The following CNTNAP5 variants were observed in gnomAD, a reference collection of about 807,000 sequenced individuals.
The protein encoded by CNTNAP5 is contactin associated protein family member 5, also known as contactin-associated protein-like 5.
Under a neutral mutation model 150.2 loss-of-function variants are expected in CNTNAP5, and 72 were observed. The observed-to-expected ratio is 0.48, with a 90% confidence interval of 0.40 to 0.58. The LOEUF (loss-of-function observed/expected upper bound fraction) is 0.58, where lower values mean the gene tolerates loss of function less well. CNTNAP5 is among the 20% of genes least tolerant of loss of function. The pLI is 0.00. For synonymous variants in CNTNAP5, 672 were observed against 619.8 expected (o/e 1.08, Z -1.25); for missense variants, 1,636 against 1,626.2 (o/e 1.01, Z -0.10).
Position 124,474,827 on chromosome 2 carries a change from A to G in CNTNAP5, c.1007A>G (p.Asn336Ser), listed in dbSNP as rs778937313. The stretch of plus-strand genomic sequence containing the variant: ...GGATGCATCGAAAACCTTTACTACA[A>G]TGGAGTAAACATAATTGACCTGGCT... ...FHGCIENLYYNGVNIIDLAKR... is the reference protein window; with the variant it reads ...FHGCIENLYYSGVNIIDLAKR... Residue 336 changes from asparagine (N) to serine (S), a missense_variant, in exon 7 of 24, where the codon AAT (asparagine) becomes AGT (serine). Coordinates refer to ENST00000682447, the MANE Select transcript of CNTNAP5 (RefSeq NM_001367498.1). 22 of 1,606,928 alleles carry G rather than the reference A, an allele frequency of 1.4e-5. No individual in the cohort carries two copies. Among genetic ancestry groups the G allele is most frequent in the African/African-American group, 1.3e-4 (10 of 74,458 alleles).
At chr2:124,304,015 A>T (rs1688623067) in intron 3 of CNTNAP5, among the ~76,000 whole-genome samples, 1 of 152,174 alleles carries the variant, frequency 6.6e-6, no homozygotes, top group Non-Finnish European at 1.5e-5. Flanking sequence ...TGGGCAACAG[A>T]GTGAGACCCT....
chr2:124,572,158 C>T (rs1031192229), intron 11 of CNTNAP5, among the ~76,000 whole-genome samples: 2 of 152,106 alleles, frequency 1.3e-5, no homozygotes, highest in African/African-American at 4.8e-5. Context: ...CTCCTTGAAT[C>T]CGTTAATGAA....
chr2:124,027,516 G>T (rs775266616), intron 1 of CNTNAP5, among the ~76,000 whole-genome samples: 1 of 152,182 alleles, frequency 6.6e-6, no homozygotes, highest in Non-Finnish European at 1.5e-5. Context: ...TTTCTTAAGA[G>T]CCAATAAAAC....
chr2:124,161,501 G>A (rs1389561616), intron 1 of CNTNAP5, among the ~76,000 whole-genome samples: 3 of 152,172 alleles, frequency 2.0e-5, no homozygotes, highest in Non-Finnish European at 2.9e-5. Flanking sequence ...GAGGCTATTA[G>A]CAGTCAGCAA....
At chr2:124,718,460 T>G (rs1377818) in intron 13 of CNTNAP5, among the ~76,000 whole-genome samples, 9,116 of 152,264 alleles carry the variant, frequency 0.06, 381 homozygotes, top group South Asian at 0.16. Flanking sequence ...TGTAAGTGTT[T>G]CGTGTTGTGT....
At chr2:124,551,173 G>T (rs1292047852) in intron 10 of CNTNAP5, among the ~76,000 whole-genome samples, 1 of 152,008 alleles carries the variant, frequency 6.6e-6, no homozygotes, top group Non-Finnish European at 1.5e-5. Flanking sequence ...GATCACTGAC[G>T]TGCATTGCAA....
intron 13 of CNTNAP5, among the ~76,000 whole-genome samples, chr2:124,742,766 T>C (rs1318747048): frequency 6.6e-6 from 1 of 152,068 alleles, no homozygotes. Flanking sequence ...TCAGTCGTAT[T>C]TTTTTTATAC....
chr2:124,768,271 ATGTGTGTGTGTGTGTG>A (rs10598326), intron 16 of CNTNAP5, among the ~76,000 whole-genome samples: 2 of 131,222 alleles, frequency 1.5e-5, no homozygotes, highest in African/African-American at 5.3e-5. Context: ...TACTGTATGT[ATGTGTGTGTGTGTGTG>A]TGTGTGTGTG....
chr2:124,471,262 C>G (rs1234766843), intron 6 of CNTNAP5, among the ~76,000 whole-genome samples: 1 of 152,082 alleles, frequency 6.6e-6, no homozygotes, highest in African/African-American at 2.4e-5. Flanking sequence ...GTTTGTAGTT[C>G]TCCTTGAAGA....
chr2:124,893,850 G>A (rs542893841), intron 21 of CNTNAP5, among the ~76,000 whole-genome samples: 2 of 152,078 alleles, frequency 1.3e-5, no homozygotes, highest in South Asian at 2.1e-4. Context: ...CTTTATAGAG[G>A]CCAGTATACG....
At chr2:124,882,304 G>T (rs552560991) in intron 21 of CNTNAP5, among the ~76,000 whole-genome samples, 2 of 152,036 alleles carry the variant, frequency 1.3e-5, no homozygotes, top group South Asian at 4.2e-4. Flanking sequence ...AGTCTCTGCC[G>T]GGGTGCAGCA....
Position 124,342,874 on chromosome 2 carries a change from ATAAT to A in CNTNAP5, c.382-74563_382-74560del, listed in dbSNP as rs201594134. On this transcript the variant is annotated intron_variant, in intron 3 of 23. Transcript: ENST00000682447. ...TGGTTTTTCATGAGTTCAGTCCCAA[ATAAT>A]TAATTCTTGTTCTGCTTAATGTTGG... Among the ~76,000 whole-genome samples the A allele has an allele frequency of 5.2e-3, 787 of 152,112 alleles. 12 individuals carry two copies. Among genetic ancestry groups the A allele is most frequent in the African/African-American group, 0.018 (758 of 41,366 alleles).
At chr2:124,327,471 T>TATACCCTCCTC (rs1374049361) in intron 3 of CNTNAP5, among the ~76,000 whole-genome samples, 2 of 152,046 alleles carry the variant, frequency 1.3e-5, no homozygotes, top group Non-Finnish European at 2.9e-5. Flanking sequence ...GTTTTGACAT[T>TATACCCTCCTC]ATACCCTCCT....
At chr2:124,047,641 C>T (rs888782148) in intron 1 of CNTNAP5, among the ~76,000 whole-genome samples, 2 of 152,216 alleles carry the variant, frequency 1.3e-5, no homozygotes, top group African/African-American at 2.4e-5. Flanking sequence ...ACGCCTCCTG[C>T]GATGACCTCC....
intron 3 of CNTNAP5, among the ~76,000 whole-genome samples, chr2:124,319,443 T>G (rs76142977): frequency 6.6e-6 from 1 of 152,184 alleles, no homozygotes; most frequent in African/African-American, 2.4e-5. Flanking sequence ...AACCTCAAAC[T>G]GGCACAGTTG....
At chr2:124,289,074 G>A (rs190589750) in intron 3 of CNTNAP5, among the ~76,000 whole-genome samples, 1 of 152,230 alleles carries the variant, frequency 6.6e-6, no homozygotes, top group Admixed American at 6.5e-5. Flanking sequence ...ATAATCAGAG[G>A]GGTTAGGTGG....
At chr2:124,860,363 T>A (rs1038157455) in intron 19 of CNTNAP5, among the ~76,000 whole-genome samples, 1 of 151,184 alleles carries the variant, frequency 6.6e-6, no homozygotes, top group East Asian at 2.0e-4. Context: ...AAAAAAAAAA[T>A]TTCTAAGACC....
intron 3 of CNTNAP5, among the ~76,000 whole-genome samples, chr2:124,335,067 C>G (rs137914272): frequency 6.6e-6 from 1 of 151,998 alleles, no homozygotes; most frequent in Admixed American, 6.6e-5. Context: ...CAGACTAAGA[C>G]GGCAAAAAGA....
intron 19 of CNTNAP5, among the ~76,000 whole-genome samples, chr2:124,858,834 T>G (rs575399762): frequency 6.6e-6 from 1 of 151,866 alleles, no homozygotes; most frequent in African/African-American, 2.4e-5. Context: ...AGAAAAGAAA[T>G]AATAAAAACT....
Sources: allele counts gnomAD v4.1 joint callset (sites outside exome capture counted in the v4.1 genomes callset), GRCh38; gene constraint gnomAD v4.1.1; transcripts MANE v1.5; gene names NCBI Gene and HGNC (gene_info 2026-07-23, HGNC 2026-07-21).